SI: variants seen among roughly 807,000 people sequenced by gnomAD.
SI encodes the protein sucrase-isomaltase, also known as sucrase-isomaltase, intestinal.
SI carries 235 observed loss-of-function variants against 253.3 expected under a neutral mutation model. The observed-to-expected ratio is 0.93, with a 90% CI of 0.83 to 1.03. The LOEUF (loss-of-function observed/expected upper bound fraction) is 1.03, where lower values mean the gene tolerates loss of function less well. Ranked by LOEUF, SI falls within the 50% of genes least tolerant of loss-of-function variation. SI has a pLI of 0.00. For synonymous variants in SI, 819 were observed against 712.0 expected (o/e 1.15, Z -2.39); for missense variants, 2,442 against 2,211.1 (o/e 1.10, Z -2.09).
Position 165,019,606 on chromosome 3 carries a change from G to C in SI, c.3419C>G (p.Pro1140Arg). 5.6e-6 allele frequency: 9 copies of C among 1,611,986 alleles called. No individual in the cohort carries two copies. Among genetic ancestry groups the C allele is most frequent in the Non-Finnish European group, 7.6e-6 (9 of 1,178,566 alleles). Residue 1140 changes from proline to arginine, a missense_variant, in exon 28 of 48, where the codon CCT (proline) becomes CGT (arginine). Pro to Arg is a moderately radical substitution (Grantham distance 103). Transcript: ENST00000264382. ...TGGTCATATGTTGGTACCTACACCA[G>C]GGGGTTGGTCTCTTGTGAACATTCC... is the stretch of plus-strand genomic sequence containing the variant. Reference protein sequence around the residue: ...TWGMFTRDQPPGYKLNSYGFH... With the variant: ...TWGMFTRDQPRGYKLNSYGFH...
At chr3:165,018,490 G>A (rs541308126) in intron 28 of SI, among the ~76,000 whole-genome samples, 66 of 150,484 alleles carry the variant, frequency 4.4e-4, no homozygotes, top group Non-Finnish European at 8.0e-4. Flanking sequence ...AATGATAAAA[G>A]TGATGAATAC....
At chr3:165,085,417 T>C in the SI span, among the ~76,000 whole-genome samples, 1 of 152,176 alleles carries the variant, frequency 6.6e-6, no homozygotes, top group African/African-American at 2.4e-5. Context: ...TTTGTATTCA[T>C]CCACATAATC....
At chr3:164,991,795 A>C (rs1717747667) in intron 43 of SI, among the ~76,000 whole-genome samples, 1 of 152,104 alleles carries the variant, frequency 6.6e-6, no homozygotes. Context: ...TGTGGAGTTC[A>C]CATGCCTAAA....
At chr3:165,018,202 A>T (rs1287921587) in intron 28 of SI, 136 bp from the exon 29 acceptor site, 2 of 635,640 alleles carry the variant, frequency 3.1e-6, no homozygotes, top group Non-Finnish European at 5.6e-6. Flanking sequence ...ACTATGCTTC[A>T]GTTAAAATAA....
At chr3:165,031,585 C>A (rs1347530974) in intron 24 of SI, among the ~76,000 whole-genome samples, 1 of 149,636 alleles carries the variant, frequency 6.7e-6, no homozygotes, top group African/African-American at 2.4e-5. Context: ...AAATAATTGA[C>A]CAGTACATAT....
chr3:165,036,749 C>T (rs947653532), intron 21 of SI, among the ~76,000 whole-genome samples: 1 of 151,382 alleles, frequency 6.6e-6, no homozygotes, highest in Non-Finnish European at 1.5e-5. Flanking sequence ...GAGATACTTG[C>T]AAAATTGAAA....
At position 165,007,843 on chromosome 3, in the gene SI, T is replaced by C. The variant is rs1233898385; in HGVS notation, c.4267+68A>G. On this transcript the variant is annotated intron_variant, in intron 36 of 47. Coordinates refer to ENST00000264382, the MANE Select transcript of SI (RefSeq NM_001041.4). ...TATAGCTAACTGATATATATCAGTTTATATTATATACCTATTAATATATAA... is the reference window on the plus strand; with the variant it reads ...TATAGCTAACTGATATATATCAGTTCATATTATATACCTATTAATATATAA... 4 of 585,674 alleles carry C rather than the reference T, an allele frequency of 6.8e-6. No individual in the cohort carries two copies. The Admixed American group carries it at 9.7e-5, about 14-fold the overall frequency. The allele number at this position is 585,674 out of a possible 1,614,324, so 36.3% of individuals were successfully genotyped here.
At chr3:165,019,534 A>G in intron 28 of SI, 68 bp downstream of exon 28, 2 of 1,388,474 alleles carry the variant, frequency 1.4e-6, no homozygotes, top group Non-Finnish European at 2.1e-6. Flanking sequence ...ACAGGCCCAT[A>G]AAGAAGTGGC....
intron 47 of SI, 78 bp downstream of exon 47, chr3:164,982,165 C>G: frequency 1.9e-6 from 2 of 1,032,346 alleles, no homozygotes; most frequent in East Asian, 2.4e-5. Context: ...ATGTTTCTTA[C>G]AGATGAGGGA....
intron 3 of SI, among the ~76,000 whole-genome samples, chr3:165,071,519 G>A (rs948270395): frequency 3.3e-5 from 5 of 151,360 alleles, no homozygotes; most frequent in Admixed American, 2.6e-4. Flanking sequence ...AATTTCATAT[G>A]TAATAATATA....
At chr3:164,996,221 C>T (rs901330893) in intron 40 of SI, among the ~76,000 whole-genome samples, 7 of 151,724 alleles carry the variant, frequency 4.6e-5, no homozygotes, top group Non-Finnish European at 8.8e-5. Flanking sequence ...CTTTTAAAGG[C>T]CAGCTCTGTC....
chr3:165,063,088 C>T (rs1714061802), intron 8 of SI, among the ~76,000 whole-genome samples: 1 of 151,962 alleles, frequency 6.6e-6, no homozygotes, highest in Non-Finnish European at 1.5e-5. Flanking sequence ...CTTTTTTCTA[C>T]TTCCATAGAC....
chr3:165,037,961 A>G lies in SI; in HGVS notation c.2365T>C (p.Leu789=). The change falls in exon 21 of 48, where the codon TTA becomes CTA. Residue 789 remains leucine, a synonymous_variant. Transcript: ENST00000264382. The stretch of plus-strand genomic sequence containing the variant: ...ATGATATAACCTCCTCTAAGATGTA[A>G]TCCTATTTTGTCTGCTGGAAGATAC... The part of the protein sequence containing the change: ...DMYLPADKIG[L]HLRGGYIIPI... 1.9e-6 allele frequency: 3 copies of G among 1,611,664 alleles called. No homozygotes were observed. The highest frequency in any genetic ancestry group is 2.5e-6 in the Non-Finnish European group (3 of 1,178,542).
rs1248625982 is a variant in SI, at chr3:165,075,945, A to G, written c.68T>C (p.Ile23Thr). Residue 23 changes from isoleucine (I) to threonine (T), a missense_variant, in exon 2 of 48, where the codon ATA becomes ACA. Physicochemically the swap from Ile to Thr is moderately conservative, Grantham distance 89. Transcript: ENST00000264382. ...TAAAACAACAATTAAGGCAATAGCTATTATAGTAACTATGACAAAAAGGAC... is the reference window on the plus strand; with the variant it reads ...TAAAACAACAATTAAGGCAATAGCTGTTATAGTAACTATGACAAAAAGGAC... Reference protein sequence around the residue: ...LIVLFVIVTIIAIALIVVLAT... With the variant: ...LIVLFVIVTITAIALIVVLAT... 1.9e-6 allele frequency: 3 copies of G among 1,600,362 alleles called. No homozygotes were observed. Among genetic ancestry groups the G allele is most frequent in the East Asian group, 2.2e-5 (1 of 44,596 alleles).
intron 25 of SI, among the ~76,000 whole-genome samples, chr3:165,024,367 G>T (rs1463650174): frequency 6.6e-6 from 1 of 151,254 alleles, no homozygotes; most frequent in East Asian, 1.9e-4. Context: ...GGCATTGATG[G>T]CTGGTTGCCA....
chr3:164,983,084 T>C (rs759034123), intron 45 of SI, 33 bp from the exon 46 acceptor site: 2 of 1,527,820 alleles, frequency 1.3e-6, no homozygotes, highest in African/African-American at 1.4e-5. Flanking sequence ...TGATATATTG[T>C]TATTTCCAAA....
intron 38 of SI, among the ~76,000 whole-genome samples, chr3:164,996,990 A>G (rs905466969): frequency 6.6e-6 from 1 of 151,802 alleles, no homozygotes; most frequent in Admixed American, 6.6e-5. Context: ...AAGATACTAT[A>G]AGCTTCCTTG....
At chr3:165,035,881 A>G (rs562705768) in intron 22 of SI, among the ~76,000 whole-genome samples, 1 of 151,870 alleles carries the variant, frequency 6.6e-6, no homozygotes, top group African/African-American at 2.4e-5. Flanking sequence ...TGTTTGGTAT[A>G]CTGAATTCCC....
chr3:165,023,890 A>G (rs1188067241), intron 25 of SI, 114 bp from the exon 26 acceptor site: 1 of 773,760 alleles, frequency 1.3e-6, no homozygotes, highest in East Asian at 2.7e-5. Context: ...TTTCATTAAT[A>G]CAAAAATGAA....
Sources: gnomAD v4.1 joint callset for allele counts (sites outside exome capture counted in the v4.1 genomes callset) on GRCh38, gnomAD v4.1.1 for gene constraint, MANE v1.5 for transcripts, NCBI Gene and HGNC (gene_info 2026-07-23, HGNC 2026-07-21) for gene names.